Variants in RAP1GAP2 observed in about 807,000 individuals in gnomAD.
RAP1GAP2 encodes the protein rap1 GTPase-activating protein 2.
A neutral mutation model predicts 95.0 loss-of-function variants in RAP1GAP2; 27 were observed. The observed-to-expected ratio is 0.28, with a 90% confidence interval of 0.21 to 0.39. The LOEUF (loss-of-function observed/expected upper bound fraction) is 0.39. Ranked by LOEUF, RAP1GAP2 falls within the 10% of genes least tolerant of loss-of-function variation. The pLI, the probability that RAP1GAP2 is intolerant of heterozygous loss-of-function variation, is 1.00. For synonymous variants in RAP1GAP2, 373 were observed against 380.9 expected (o/e 0.98, Z 0.24); for missense variants, 771 against 970.0 (o/e 0.79, Z 2.72).
intron 8 of RAP1GAP2, among the ~76,000 whole-genome samples, chr17:2,970,478 A>G (rs1183789162): frequency 6.6e-6 from 1 of 152,128 alleles, no homozygotes; most frequent in Non-Finnish European, 1.5e-5. Flanking sequence ...TGCCCTCTGT[A>G]GGGGCTGTGT....
At chr17:2,951,683 A>G (rs2043929114) in intron 3 of RAP1GAP2, among the ~76,000 whole-genome samples, 1 of 152,052 alleles carries the variant, frequency 6.6e-6, no homozygotes, top group Admixed American at 6.6e-5. Flanking sequence ...ATGCCACTGC[A>G]CTTCAGCCTG....
intron 2 of RAP1GAP2, among the ~76,000 whole-genome samples, chr17:2,835,858 A>C (rs1314932618): frequency 6.6e-6 from 1 of 152,244 alleles, no homozygotes; most frequent in African/African-American, 2.4e-5. Flanking sequence ...TTACGGAAGA[A>C]AGATGAAATG....
chr17:3,022,321 A>G (rs1254759146), intron 19 of RAP1GAP2, among the ~76,000 whole-genome samples: 1 of 152,240 alleles, frequency 6.6e-6, no homozygotes, highest in African/African-American at 2.4e-5. Context: ...GTGGGAATGT[A>G]AAATAGTGCA....
chr17:2,870,394 G>A lies in RAP1GAP2; in HGVS notation c.81-34890G>A, dbSNP rs2072795469. On this transcript the variant is annotated intron_variant, in intron 2 of 24. Coordinates refer to ENST00000254695, the MANE Select transcript of RAP1GAP2 (RefSeq NM_015085.5). The surrounding 1 kb of genome is among the most constrained non-coding windows in gnomAD (Gnocchi z 4.4). ...GTCCTCCCAAAGTGCTGGGATTACA[G>A]GCATGAGCCACCGTGCCCTGCCTGA... Among the ~76,000 whole-genome samples the A allele has an allele frequency of 6.6e-6, 1 of 152,052 alleles. No individual in the cohort carries two copies. Among genetic ancestry groups the A allele is most frequent in the Admixed American group, 6.6e-5 (1 of 15,248 alleles).
chr17:2,844,390 C>G (rs2071496016), intron 2 of RAP1GAP2, among the ~76,000 whole-genome samples: 1 of 152,054 alleles, frequency 6.6e-6, no homozygotes. Flanking sequence ...TTTTTTTCCC[C>G]TAAGAGTAGA....
At chr17:2,914,062 G>A (rs1358312554) in intron 3 of RAP1GAP2, among the ~76,000 whole-genome samples, 3 of 151,984 alleles carry the variant, frequency 2.0e-5, no homozygotes, top group African/African-American at 7.2e-5. Flanking sequence ...TAATAGGGAC[G>A]GGGTTTCACC....
chr17:2,980,284 C>T lies in RAP1GAP2; in HGVS notation c.597-3C>T. 1.2e-6 allele frequency: 2 copies of T among 1,613,478 alleles called. No individual in the cohort carries two copies. Among genetic ancestry groups the T allele is most frequent in the Non-Finnish European group, 1.7e-6 (2 of 1,179,582 alleles). On this transcript the variant is annotated splice_region_variant and splice_polypyrimidine_tract_variant and intron_variant, in intron 8 of 24. Coordinates refer to ENST00000254695, the MANE Select transcript of RAP1GAP2 (RefSeq NM_015085.5). ...ATGTCCTTTTTTCTCCCGTCTTGTG[C>T]AGGTCCAAACTGAAGACGGTACATG... is the stretch of plus-strand genomic sequence containing the variant.
chr17:2,836,160 C>A (rs1231976853), intron 2 of RAP1GAP2, among the ~76,000 whole-genome samples: 2 of 152,004 alleles, frequency 1.3e-5, no homozygotes, highest in African/African-American at 4.8e-5. Flanking sequence ...GTCCCCCTTG[C>A]CTGAAGCTGT....
intron 19 of RAP1GAP2, among the ~76,000 whole-genome samples, chr17:3,021,570 G>A (rs1396663643): frequency 7.3e-5 from 11 of 151,688 alleles, no homozygotes; most frequent in African/African-American, 2.2e-4. Context: ...TGAGCAGCTG[G>A]GACTACAGGC....
chr17:2,983,043 G>T (rs192908411), intron 10 of RAP1GAP2, among the ~76,000 whole-genome samples: 2 of 152,198 alleles, frequency 1.3e-5, no homozygotes, highest in Middle Eastern at 6.3e-3. Flanking sequence ...CTCCAGGGTC[G>T]GGCAGCAGCG....
intron 8 of RAP1GAP2, among the ~76,000 whole-genome samples, chr17:2,967,121 G>C (rs1822409): frequency 0.82 from 124,280 of 151,954 alleles, 51,042 homozygotes; most frequent in Admixed American, 0.88. Flanking sequence ...GTAATCCCAG[G>C]ACTTTGGGAG....
chr17:2,953,034 G>A (rs1483926056), intron 3 of RAP1GAP2, among the ~76,000 whole-genome samples: 1 of 151,968 alleles, frequency 6.6e-6, no homozygotes, highest in Non-Finnish European at 1.5e-5. Context: ...TCGAACTCCT[G>A]GGCTCATGTG....
At position 3,004,198 on chromosome 17, in the gene RAP1GAP2, C is replaced by T. The variant is rs913551665; in HGVS notation, c.1201-1171C>T. On this transcript the variant is annotated intron_variant, in intron 14 of 24. Transcript: ENST00000254695. This position sits in a 1 kb window ranked among gnomAD's most constrained non-coding sequence, Gnocchi z 4.1. ...GGGAACCGGGTTCAGCTGCTGGAGC[C>T]CAGCCAGAAATCACGTCAGCCGAAC... Among the ~76,000 whole-genome samples, 2 of 152,218 alleles carry T rather than the reference C, an allele frequency of 1.3e-5. No individual in the cohort carries two copies. Among genetic ancestry groups the T allele is most frequent in the African/African-American group, 4.8e-5 (2 of 41,452 alleles).
At chr17:2,989,612 C>T (rs993056009) in intron 11 of RAP1GAP2, among the ~76,000 whole-genome samples, 2 of 152,018 alleles carry the variant, frequency 1.3e-5, no homozygotes, top group South Asian at 2.1e-4. Context: ...GAATTGCAGG[C>T]GTGAGGCACC....
rs1343656097 is a variant in RAP1GAP2, at chr17:2,855,074, G to A, written c.81-50210G>A. Among the ~76,000 whole-genome samples the A allele has an allele frequency of 6.6e-6, 1 of 152,198 alleles. No individual in the cohort carries two copies. The highest frequency in any genetic ancestry group is 1.5e-5 in the Non-Finnish European group (1 of 68,040). On this transcript the variant is annotated intron_variant, in intron 2 of 24. Coordinates refer to ENST00000254695, the MANE Select transcript of RAP1GAP2 (RefSeq NM_015085.5). The surrounding 1 kb of genome is among the most constrained non-coding windows in gnomAD (Gnocchi z 4.3). ...CAGCAGCCCCTGGATATGCCCACAGGTATGAACGTACCTGGGGTGGTGGTA... is the reference window on the plus strand; with the variant it reads ...CAGCAGCCCCTGGATATGCCCACAGATATGAACGTACCTGGGGTGGTGGTA...
At chr17:2,917,238 G>A (rs915580491) in intron 3 of RAP1GAP2, among the ~76,000 whole-genome samples, 2 of 152,118 alleles carry the variant, frequency 1.3e-5, no homozygotes, top group Non-Finnish European at 1.5e-5. Context: ...GAGCCAGTCT[G>A]CCTGGGGTTA....
chr17:2,801,742 G>A (rs2069309364), intron 2 of RAP1GAP2, among the ~76,000 whole-genome samples: 1 of 151,612 alleles, frequency 6.6e-6, no homozygotes, highest in African/African-American at 2.4e-5. Context: ...CCAGACTCAG[G>A]GTGTGGGAAT....
At chr17:2,780,924 C>A (rs2068631084) in intron 1 of RAP1GAP2, among the ~76,000 whole-genome samples, 1 of 152,222 alleles carries the variant, frequency 6.6e-6, no homozygotes. Flanking sequence ...CTCAGCCTGA[C>A]ATGCTGTACT....
At chr17:3,020,892 A>G (rs186276954) in intron 19 of RAP1GAP2, among the ~76,000 whole-genome samples, 3 of 152,210 alleles carry the variant, frequency 2.0e-5, no homozygotes, top group Admixed American at 6.5e-5. Context: ...CGCTCACTCA[A>G]ATGGCCTGTC....
Sources: allele counts gnomAD v4.1 joint callset (sites outside exome capture counted in the v4.1 genomes callset), GRCh38; gene constraint gnomAD v4.1.1; non-coding constraint Gnocchi (gnomAD v3.1); transcripts MANE v1.5; gene names NCBI Gene and HGNC (gene_info 2026-07-23, HGNC 2026-07-21).